ZNF134: variants seen among roughly 807,000 people sequenced by gnomAD.
ZNF134 encodes zinc finger protein 134 (clone pHZ-15).
ZNF134 carries 5 observed loss-of-function variants against 2.5 expected under a neutral mutation model. The ratio of observed to expected loss-of-function variants is 2.03; its 90% CI spans 1.06 to 4.27. ZNF134 has a LOEUF of 4.27. Ranked by LOEUF, ZNF134 falls within the 30% of genes most tolerant of loss-of-function variation. The pLI, the probability that ZNF134 is intolerant of heterozygous loss-of-function variation, is 0.00. For missense variants in ZNF134, 540 were observed against 517.5 expected (o/e 1.04, Z -0.42); for synonymous variants, 176 against 176.2 (o/e 1.00, Z 0.01).
At position 57,620,311 on chromosome 19, in the gene ZNF134, C is replaced by A. The variant is rs1483770498; in HGVS notation, c.192C>A (p.His64Gln). 1 of 1,614,136 alleles carries A rather than the reference C, an allele frequency of 6.2e-7. No individual in the cohort carries two copies. The highest frequency in any genetic ancestry group is 1.7e-5 in the Admixed American group (1 of 60,024). The part of the protein sequence containing the change: ...ICGPILKDIL[H>Q]LDEHQGTHHG... ...GCCCCATCTTGAAAGATATTTTGCA[C>A]CTGGATGAACACCAGGGTACACACC... The change falls in exon 3 of 3, where the codon CAC becomes CAA. Residue 64 changes from histidine to glutamine, a missense_variant. Physicochemically the swap from His to Gln is conservative, Grantham distance 24 (BLOSUM62 0). Transcript: ENST00000396161.
Position 57,621,478 on chromosome 19 carries a change from T to TA in ZNF134, c.*76dup, listed in dbSNP as rs1981219464. 1 of 1,595,018 alleles carries TA rather than the reference T, an allele frequency of 6.3e-7. No individual in the cohort carries two copies. The highest frequency in any genetic ancestry group is 8.5e-7 in the Non-Finnish European group (1 of 1,173,662). On this transcript the variant is annotated 3_prime_UTR_variant, in exon 3 of 3. Coordinates refer to ENST00000396161, the MANE Select transcript of ZNF134 (RefSeq NM_003435.5). ...TATCTGAACATTGACACAAAGGAGA[T>TA]ACCTTATGGTGCCAGGTACGTGGGA... is the stretch of plus-strand genomic sequence containing the variant.
chr19:57,614,322 A>G lies in ZNF134; in HGVS notation c.-239A>G, dbSNP rs1448682722. 4.4e-6 allele frequency: 2 copies of G among 454,306 alleles called. No homozygotes were observed. The highest frequency in any genetic ancestry group is 4.0e-5 in the African/African-American group (2 of 49,862). 28.1% of individuals were successfully genotyped at this position (454,306 alleles called of 1,614,324 possible). A position where few individuals can be genotyped will look rare whatever the true frequency, so the allele number is the denominator to read the frequency against. ...TGCTGGGCGGTTCCGAGGTGACGGA[A>G]GCGGGAGGGTGCGGGAGAAGTCGCT... On this transcript the variant is annotated 5_prime_UTR_variant, in exon 1 of 3. Transcript: ENST00000396161.
intron 1 of ZNF134, among the ~76,000 whole-genome samples, chr19:57,614,733 A>G (rs1981004186): frequency 6.6e-6 from 1 of 152,088 alleles, no homozygotes; most frequent in Admixed American, 6.5e-5. Context: ...TGCAATGTCG[A>G]GGGGAGAAGT....
At chr19:57,619,351 G>A (rs1981133906) in intron 1 of ZNF134, 61 bp from the exon 2 acceptor site, 2 of 1,293,646 alleles carry the variant, frequency 1.5e-6, no homozygotes, top group South Asian at 2.6e-5. Flanking sequence ...TGCATGGGTG[G>A]GCTACTCTGG....
intron 2 of ZNF134, 61 bp downstream of exon 2, chr19:57,619,569 T>C (rs1012883231): frequency 6.6e-7 from 1 of 1,512,974 alleles, no homozygotes; most frequent in Non-Finnish European, 8.9e-7. Flanking sequence ...TCCGGAAACC[T>C]ATGTTGTGCC....
rs1980986401 is a variant in ZNF134 at position 57,614,288 on chromosome 19, G to A, written c.-273G>A. On this transcript the variant is annotated 5_prime_UTR_variant, in exon 1 of 3. Transcript: ENST00000396161. ...CTTAGGTGGAACCATCGGAGCAGAA[G>A]CTCGGGGTTGCTGGGCGGTTCCGAG... 1 of 451,122 alleles carries A rather than the reference G, an allele frequency of 2.2e-6. No individual in the cohort carries two copies. Among genetic ancestry groups the A allele is most frequent in the African/African-American group, 2.0e-5 (1 of 49,490 alleles). The allele number at this position is 451,122 out of a possible 1,614,324, so 27.9% of individuals were successfully genotyped here.
Position 57,620,502 on chromosome 19 carries a change from C to G in ZNF134, c.383C>G (p.Ser128Ter). 1 of 1,614,186 alleles carries G rather than the reference C, an allele frequency of 6.2e-7. No individual in the cohort carries two copies. Among genetic ancestry groups the G allele is most frequent in the South Asian group, 1.1e-5 (1 of 91,066 alleles). The change falls in exon 3 of 3, where the codon TCA becomes TGA. Residue 128 changes from serine to a stop codon, truncating the protein, a stop_gained. Coordinates refer to ENST00000396161, the MANE Select transcript of ZNF134 (RefSeq NM_003435.5). LOFTEE classifies it low-confidence loss of function (END_TRUNC). Reference sequence around the variant, plus strand: ...ACAGTTAGCAAAGAACCTCATCCGTCAGAGAAGCCCTTTACGTGTAAGGAG... The same window carrying G: ...ACAGTTAGCAAAGAACCTCATCCGTGAGAGAAGCCCTTTACGTGTAAGGAG... The part of the protein sequence containing the change: ...NCTVSKEPHP[S>*]EKPFTCKEEQ...
In ZNF134 at chr19:57,623,667, A is replaced by G. The variant is rs897284882; in HGVS notation, c.*2264A>G. 1 of 152,240 alleles carries G rather than the reference A, an allele frequency of 6.6e-6. No individual in the cohort carries two copies. The highest frequency in any genetic ancestry group is 2.4e-5 in the African/African-American group (1 of 41,454). 9.4% of individuals were successfully genotyped at this position (152,240 alleles called of 1,614,324 possible). On this transcript the variant is annotated 3_prime_UTR_variant, in exon 3 of 3. Transcript: ENST00000396161. ...TTTGCTGATACCGGGATCAAAACAT[A>G]CATCAGAACACTGTCACACAAAAAG...
Position 57,620,580 on chromosome 19 carries a change from A to C in ZNF134, c.461A>C (p.His154Pro), listed in dbSNP as rs945190649. Reference sequence around the variant, plus strand: ...GGTGGCTGCCAACAAAAGGCCATCCACAGTAAGAGGAAGACACACAGGAGC... The same window carrying C: ...GGTGGCTGCCAACAAAAGGCCATCCCCAGTAAGAGGAAGACACACAGGAGC... ...TLGGCQQKAI[H>P]SKRKTHRSTE... Residue 154 changes from histidine to proline, a missense_variant, in exon 3 of 3, where the codon CAC becomes CCC. His to Pro is a moderately conservative substitution (Grantham distance 77). Transcript: ENST00000396161. The C allele has an allele frequency of 8.1e-6, 13 of 1,614,234 alleles. No homozygotes were observed. The highest frequency in any genetic ancestry group is 1.1e-5 in the Non-Finnish European group (13 of 1,180,046).
At chr19:57,619,749 T>C in intron 2 of ZNF134, 2 of 572,060 alleles carry the variant, frequency 3.5e-6, no homozygotes, top group Non-Finnish European at 3.1e-6. Context: ...TTTCCAATAT[T>C]GTACTACACT....
In ZNF134 at chr19:57,621,734, C is replaced by A; in HGVS notation, c.*331C>A. On this transcript the variant is annotated 3_prime_UTR_variant, in exon 3 of 3. Transcript: ENST00000396161. ...GACAGGTATAGGTATGGATATGACCCATTTTTAGCCAAGAGGGTCTGAGCT... is the reference window on the plus strand; with the variant it reads ...GACAGGTATAGGTATGGATATGACCAATTTTTAGCCAAGAGGGTCTGAGCT... 2.4e-6 allele frequency: 1 copy of A among 414,550 alleles called. No homozygotes were observed. The highest frequency in any genetic ancestry group is 5.4e-5 in the East Asian group (1 of 18,516). 25.7% of individuals were successfully genotyped at this position (414,550 alleles called of 1,614,324 possible). A position where few individuals can be genotyped will look rare whatever the true frequency, so the allele number is the denominator to read the frequency against.
At chr19:57,615,084 G>GT (rs973672977) in intron 1 of ZNF134, among the ~76,000 whole-genome samples, 1 of 152,086 alleles carries the variant, frequency 6.6e-6, no homozygotes, top group African/African-American at 2.4e-5. Flanking sequence ...GCTATCCAGG[G>GT]TTTTTTTGGC....
In ZNF134 at chr19:57,621,029, G is replaced by C; in HGVS notation, c.910G>C (p.Val304Leu). 1 of 1,614,042 alleles carries C rather than the reference G, an allele frequency of 6.2e-7. No individual in the cohort carries two copies. Among genetic ancestry groups the C allele is most frequent in the Non-Finnish European group, 8.5e-7 (1 of 1,179,990 alleles). ...GKVFRHKSTL[V>L]QHESIHTGEN... ...AGTCTTCAGACACAAATCTACACTTGTTCAGCATGAGAGTATTCACACTGG... is the reference window on the plus strand; with the variant it reads ...AGTCTTCAGACACAAATCTACACTTCTTCAGCATGAGAGTATTCACACTGG... Residue 304 changes from valine (V) to leucine (L), a missense_variant, in exon 3 of 3, where the codon GTT (valine) becomes CTT (leucine). By Grantham distance (32) the Val-to-Leu change is conservative (BLOSUM62 1). Coordinates refer to ENST00000396161, the MANE Select transcript of ZNF134 (RefSeq NM_003435.5).
At position 57,619,709 on chromosome 19, in the gene ZNF134, C is replaced by G. The variant is rs929591847; in HGVS notation, c.40+201C>G. 32 of 610,960 alleles carry G rather than the reference C, an allele frequency of 5.2e-5. No homozygotes were observed. In the African/African-American group the frequency reaches 5.8e-4, roughly 11 times the overall value. The allele number at this position is 610,960 out of a possible 1,614,324, so 37.8% of individuals were successfully genotyped here. ...TCTCCCATTCTCTACCAGAGGGGCT[C>G]TAGTAGAGCAATAGCTCTCTCTGCG... On this transcript the variant is annotated intron_variant, in intron 2 of 2. Coordinates refer to ENST00000396161, the MANE Select transcript of ZNF134 (RefSeq NM_003435.5).
chr19:57,614,691 A>G (rs1451524316), intron 1 of ZNF134, among the ~76,000 whole-genome samples, 188 bp downstream of exon 1: 1 of 152,186 alleles, frequency 6.6e-6, no homozygotes, highest in Non-Finnish European at 1.5e-5. Flanking sequence ...AGCCCGTAGC[A>G]GTCGGGAGCG....
chr19:57,620,135 A>C (rs778999644), intron 2 of ZNF134, 25 bp from the exon 3 acceptor site: 1 of 1,599,242 alleles, frequency 6.3e-7, no homozygotes, highest in Non-Finnish European at 8.5e-7. Flanking sequence ...CAGCATGTAC[A>C]TCAATAGTAT....
rs1981135456 is a variant in ZNF134, at chr19:57,619,403, A to G, written c.-57-9A>G. 6.4e-7 allele frequency: 1 copy of G among 1,560,136 alleles called. No individual in the cohort carries two copies. Among genetic ancestry groups the G allele is most frequent in the Non-Finnish European group, 8.7e-7 (1 of 1,149,638 alleles). On this transcript the variant is annotated splice_polypyrimidine_tract_variant and intron_variant, in intron 1 of 2. Coordinates refer to ENST00000396161, the MANE Select transcript of ZNF134 (RefSeq NM_003435.5). ...GTTTCACCTTTCCCCTATGCTTTGT[A>G]TCTTCCAGATCCTCTGTGGTTGTTG...
Position 57,624,538 on chromosome 19 carries a change from G to T in ZNF134, c.*3135G>T, listed in dbSNP as rs1981323121. 2 of 152,216 alleles carry T rather than the reference G, an allele frequency of 1.3e-5. No homozygotes were observed. Among genetic ancestry groups the T allele is most frequent in the Non-Finnish European group, 2.9e-5 (2 of 68,050 alleles). The allele number at this position is 152,216 out of a possible 1,614,324, so 9.4% of individuals were successfully genotyped here. A position where few individuals can be genotyped will look rare whatever the true frequency, so the allele number is the denominator to read the frequency against. ...GGCAAACCCAAATAAGGGAGGAGGG[G>T]TGGTAATCAGGGGTCCCTGAAATCC... On this transcript the variant is annotated 3_prime_UTR_variant, in exon 3 of 3. Transcript: ENST00000396161.
chr19:57,620,462 A>G lies in ZNF134; in HGVS notation c.343A>G (p.Ile115Val), dbSNP rs1278883781. The G allele has an allele frequency of 1.9e-6, 3 of 1,614,220 alleles. No homozygotes were observed. The highest frequency in any genetic ancestry group is 2.2e-5 in the East Asian group (1 of 44,894). ...PLRRDKSEAS[I>V]VKNCTVSKEP... is the part of the protein sequence containing the mutation. The stretch of plus-strand genomic sequence containing the variant: ...AAGAAGGGATAAAAGTGAGGCCTCA[A>G]TTGTGAAGAACTGCACAGTTAGCAA... Residue 115 changes from isoleucine to valine, a missense_variant, in exon 3 of 3, where the codon ATT (isoleucine) becomes GTT (valine). Coordinates refer to ENST00000396161, the MANE Select transcript of ZNF134 (RefSeq NM_003435.5).
Sources: gnomAD v4.1 joint callset for allele counts (sites outside exome capture counted in the v4.1 genomes callset) on GRCh38, gnomAD v4.1.1 for gene constraint, MANE v1.5 for transcripts, NCBI Gene and HGNC (gene_info 2026-07-23, HGNC 2026-07-21) for gene names.